The following RBFOX1 variants were observed in gnomAD, a reference collection of about 807,000 sequenced individuals.
RBFOX1 encodes RNA binding protein fox-1 homolog 1.
RBFOX1 carries 8 observed loss-of-function variants against 57.7 expected under a neutral mutation model. That is an observed-to-expected ratio of 0.14 (90% confidence interval 0.08 to 0.25). The LOEUF (loss-of-function observed/expected upper bound fraction) is 0.25. Among genes scored for constraint, RBFOX1 ranks in the 10% least tolerant of loss-of-function variants. The pLI is 1.00. For missense variants in RBFOX1, 611 were observed against 548.5 expected (o/e 1.11, Z -1.14); for synonymous variants, 326 against 222.4 (o/e 1.47, Z -4.15).
chr16:7,524,253 G>A (rs1314724143), intron 5 of RBFOX1, among the ~76,000 whole-genome samples: 1 of 152,174 alleles, frequency 6.6e-6, no homozygotes, highest in East Asian at 1.9e-4. Context: ...TGCAGAATCT[G>A]TAAAAGGGAA....
chr16:5,977,932 TC>T (rs1190992111), intron 4 of RBFOX1, among the ~76,000 whole-genome samples: 1 of 151,798 alleles, frequency 6.6e-6, no homozygotes, highest in Non-Finnish European at 1.5e-5. Context: ...AAATCGATAT[TC>T]CATGATATCC....
At chr16:6,958,288 T>G (rs2082278233) in intron 3 of RBFOX1, among the ~76,000 whole-genome samples, 1 of 152,216 alleles carries the variant, frequency 6.6e-6, no homozygotes, top group Non-Finnish European at 1.5e-5. Context: ...TATGAGGCAA[T>G]TATTCCAACA....
In RBFOX1 at chr16:7,144,087, G is replaced by T. The variant is rs907728801; in HGVS notation, c.27+91989G>T. Among the ~76,000 whole-genome samples the T allele has an allele frequency of 5.3e-5, 8 of 152,232 alleles. No homozygotes were observed. In the South Asian group the frequency reaches 1.0e-3, roughly 20 times the overall value. On this transcript the variant is annotated intron_variant, in intron 4 of 15. Transcript: ENST00000550418. ...TGTGTCTGTAGGCTTTTTCCCTTGG[G>T]GGAAAACGTCTTCATAGAATTTGCT... is the stretch of plus-strand genomic sequence containing the variant.
intron 1 of RBFOX1, among the ~76,000 whole-genome samples, chr16:6,059,984 A>G (rs986053891): frequency 1.3e-5 from 2 of 152,128 alleles, no homozygotes; most frequent in Non-Finnish European, 2.9e-5. Flanking sequence ...GGAAGTGGGG[A>G]GGATTCTCCA....
At chr16:7,087,864 G>A (rs1339215662) in intron 4 of RBFOX1, among the ~76,000 whole-genome samples, 1 of 152,060 alleles carries the variant, frequency 6.6e-6, no homozygotes, top group Non-Finnish European at 1.5e-5. Context: ...TTTGTGGGTA[G>A]GTAGTGTCTC....
At chr16:6,568,020 C>G (rs72762909) in intron 2 of RBFOX1, among the ~76,000 whole-genome samples, 2 of 152,016 alleles carry the variant, frequency 1.3e-5, no homozygotes, top group Admixed American at 1.3e-4. Flanking sequence ...TAGGGTCTGA[C>G]TATGTTGAAC....
intron 4 of RBFOX1, among the ~76,000 whole-genome samples, chr16:5,887,737 T>C (rs892731798): frequency 2.0e-5 from 3 of 152,096 alleles, no homozygotes; most frequent in Non-Finnish European, 4.4e-5. Context: ...AGTGAAAATG[T>C]AGGGCCAGAG....
At chr16:5,984,010 CTCCTT>C (rs2152312813) in intron 4 of RBFOX1, among the ~76,000 whole-genome samples, 1 of 141,262 alleles carries the variant, frequency 7.1e-6, no homozygotes, top group Non-Finnish European at 1.5e-5. Context: ...CTTCTCCTTC[CTCCTT>C]TTCTTCCTTC....
At chr16:5,401,331 T>C (rs1176384122) in intron 1 of RBFOX1, among the ~76,000 whole-genome samples, 3 of 152,192 alleles carry the variant, frequency 2.0e-5, no homozygotes. Flanking sequence ...TTCCTTTTCT[T>C]CTTGGTTTGT....
intron 4 of RBFOX1, among the ~76,000 whole-genome samples, chr16:7,229,727 A>T (rs2093372418): frequency 9.0e-6 from 1 of 111,350 alleles, no homozygotes; most frequent in Non-Finnish European, 1.9e-5. Context: ...AGAGGAAGCA[A>T]GGGAGGGAGG....
At chr16:6,249,877 A>T (rs1177873134) in intron 1 of RBFOX1, among the ~76,000 whole-genome samples, 2 of 150,970 alleles carry the variant, frequency 1.3e-5, no homozygotes, top group Admixed American at 1.3e-4. Flanking sequence ...TGCACCCAGT[A>T]ACTCGTCGTT....
At chr16:5,449,032 C>A (rs139154908) in intron 1 of RBFOX1, among the ~76,000 whole-genome samples, 1 of 152,092 alleles carries the variant, frequency 6.6e-6, no homozygotes, top group Non-Finnish European at 1.5e-5. Context: ...TTGAGCTGCA[C>A]GGGACTGCCC....
intron 3 of RBFOX1, among the ~76,000 whole-genome samples, chr16:7,035,022 A>G (rs935740653): frequency 2.9e-4 from 43 of 149,508 alleles, no homozygotes; most frequent in African/African-American, 9.4e-4. Context: ...TAATTTTTGT[A>G]TTTTTATTAG....
intron 4 of RBFOX1, among the ~76,000 whole-genome samples, chr16:5,924,734 AC>A: frequency 6.6e-6 from 1 of 152,174 alleles, no homozygotes; most frequent in Non-Finnish European, 1.5e-5. Flanking sequence ...GGTCTAAGAC[AC>A]CTACCTTTCC....
chr16:6,264,692 A>C (rs1441294893), intron 1 of RBFOX1, among the ~76,000 whole-genome samples: 2 of 152,140 alleles, frequency 1.3e-5, no homozygotes, highest in African/African-American at 4.8e-5. Flanking sequence ...GATAGAAGCC[A>C]CACCCCTTGG....
chr16:6,841,803 G>A (rs1039045196), intron 3 of RBFOX1, among the ~76,000 whole-genome samples: 8 of 152,068 alleles, frequency 5.3e-5, no homozygotes, highest in African/African-American at 1.9e-4. Context: ...GAACATCACT[G>A]TCTTCATGTG....
At chr16:6,476,743 T>G (rs2095278870) in intron 2 of RBFOX1, among the ~76,000 whole-genome samples, 1 of 152,204 alleles carries the variant, frequency 6.6e-6, no homozygotes, top group Non-Finnish European at 1.5e-5. Flanking sequence ...TCACATGGAT[T>G]GATTCTTCCT....
intron 3 of RBFOX1, among the ~76,000 whole-genome samples, chr16:6,819,113 A>T (rs1012687126): frequency 6.6e-6 from 1 of 152,204 alleles, no homozygotes; most frequent in African/African-American, 2.4e-5. Context: ...TCAGGATCCA[A>T]CAATTTCCAT....
At chr16:6,401,714 A>C (rs142450821) in intron 2 of RBFOX1, among the ~76,000 whole-genome samples, 13 of 152,306 alleles carry the variant, frequency 8.5e-5, no homozygotes, top group Non-Finnish European at 1.8e-4. Context: ...AGACGCAGAG[A>C]ACGAAGGAAG....
Sources: gnomAD v4.1 joint callset for allele counts (sites outside exome capture counted in the v4.1 genomes callset) on GRCh38, gnomAD v4.1.1 for gene constraint, MANE v1.5 for transcripts, NCBI Gene and HGNC (gene_info 2026-07-23, HGNC 2026-07-21) for gene names.